Variants in THSD7A observed in about 807,000 individuals in gnomAD.
THSD7A encodes thrombospondin type 1 domain containing 7A, also known as thrombospondin type-1 domain-containing protein 7A.
Under a neutral mutation model 231.3 loss-of-function variants are expected in THSD7A, and 96 were observed. That is an observed-to-expected ratio of 0.41 (90% CI 0.35 to 0.49). The LOEUF (loss-of-function observed/expected upper bound fraction) is 0.49. THSD7A is among the 20% of genes least tolerant of loss of function. The probability of loss-of-function intolerance (pLI) is 0.05; values close to 1 mark genes in which losing one functional copy is unlikely to be tolerated. For missense variants in THSD7A, 2,290 were observed against 2,070.2 expected, an observed-to-expected ratio of 1.11 and a Z score of -2.06; for synonymous variants, 940 against 743.3, an observed-to-expected ratio of 1.26 and a Z score of -4.30.
chr7:11,690,559 G>A (rs754273905), intron 1 of THSD7A, among the ~76,000 whole-genome samples: 13 of 151,574 alleles, frequency 8.6e-5, no homozygotes, highest in South Asian at 2.1e-4. Flanking sequence ...AAGTTGTCTC[G>A]GTATTTTGGA....
chr7:11,424,766 T>G lies in THSD7A; in HGVS notation c.3313A>C (p.Ser1105Arg), dbSNP rs768198778. 2.5e-6 allele frequency: 4 copies of G among 1,613,982 alleles called. No homozygotes were observed. The Admixed American group carries it at 6.7e-5, about 27-fold the overall frequency. Residue 1105 changes from serine to arginine, a missense_variant, in exon 16 of 28, where the codon AGC (serine) becomes CGC (arginine). Physicochemically the swap from Ser to Arg is moderately radical, Grantham distance 110. Transcript: ENST00000423059. The stretch of plus-strand genomic sequence containing the variant: ...TTCACAAAGGTCACCTTGCAGATGC[T>G]CCAGGGCTCTGTGACCCATAGGTAC... ...NQYLWVTEPW[S>R]ICKVTFVNMR... is the part of the protein sequence containing the mutation.
chr7:11,579,579 G>A (rs1301931894), intron 4 of THSD7A, among the ~76,000 whole-genome samples: 3 of 152,142 alleles, frequency 2.0e-5, no homozygotes, highest in Non-Finnish European at 4.4e-5. Context: ...TGTATTAACT[G>A]CTATGTCTTC....
rs372974673 is a variant in THSD7A at position 11,513,457 on chromosome 7, C to A, written c.1822+27962G>T. 3.3e-5 allele frequency among the ~76,000 whole-genome samples: 5 copies of A among 152,080 alleles called. No homozygotes were observed. In the East Asian group the frequency reaches 9.7e-4, roughly 29 times the overall value. ...GTGAGGAACACAAAATATGATTCAA[C>A]CATAAAAAGGAATGAAGTACTGACT... On this transcript the variant is annotated intron_variant, in intron 6 of 27. Transcript: ENST00000423059.
intron 1 of THSD7A, among the ~76,000 whole-genome samples, chr7:11,827,170 G>A (rs1348658360): frequency 6.6e-6 from 1 of 151,884 alleles, no homozygotes; most frequent in Admixed American, 6.6e-5. Flanking sequence ...ATGCCCAACA[G>A]ACTTTTATAT....
intron 6 of THSD7A, among the ~76,000 whole-genome samples, chr7:11,500,011 A>T (rs1205639627): frequency 6.6e-6 from 1 of 152,174 alleles, no homozygotes; most frequent in African/African-American, 2.4e-5. Flanking sequence ...CATCCCCTAG[A>T]TACATAATCA....
chr7:11,633,955 A>T (rs1290569060), intron 2 of THSD7A, among the ~76,000 whole-genome samples: 1 of 152,146 alleles, frequency 6.6e-6, no homozygotes, highest in African/African-American at 2.4e-5. Context: ...TTTAAATTTG[A>T]TCACTAAGTT....
At chr7:11,801,484 A>G (rs1583302346) in intron 1 of THSD7A, among the ~76,000 whole-genome samples, 2 of 152,192 alleles carry the variant, frequency 1.3e-5, no homozygotes, top group Non-Finnish European at 1.5e-5. Flanking sequence ...ACAACGTTAG[A>G]AAGTGCCAGA....
intron 11 of THSD7A, among the ~76,000 whole-genome samples, chr7:11,450,389 G>A (rs968116793): frequency 6.6e-6 from 1 of 151,886 alleles, no homozygotes; most frequent in Non-Finnish European, 1.5e-5. Flanking sequence ...CTTATCTGAG[G>A]TTTTAGACAG....
chr7:11,403,336 CA>C (rs1168443864), intron 22 of THSD7A, among the ~76,000 whole-genome samples: 3 of 152,054 alleles, frequency 2.0e-5, no homozygotes, highest in Non-Finnish European at 2.9e-5. Context: ...TACGTAATAG[CA>C]AAATGGAGTG....
At chr7:11,804,201 T>C (rs1020736984) in intron 1 of THSD7A, among the ~76,000 whole-genome samples, 1 of 152,140 alleles carries the variant, frequency 6.6e-6, no homozygotes, top group Admixed American at 6.6e-5. Flanking sequence ...TTTATTCCAA[T>C]TGATAAAATG....
chr7:11,447,439 T>C lies in THSD7A; in HGVS notation c.2606-15A>G, dbSNP rs760038104. ...ACAAGTAATGGCTAAAAGAAAAGCA[T>C]AAAGCTGTTATAACAAATTCAAACG... On this transcript the variant is annotated splice_polypyrimidine_tract_variant and intron_variant, in intron 11 of 27. Coordinates refer to ENST00000423059, the MANE Select transcript of THSD7A (RefSeq NM_015204.3). 1 of 1,515,612 alleles carries C rather than the reference T, an allele frequency of 6.6e-7. No homozygotes were observed. The highest frequency in any genetic ancestry group is 8.8e-7 in the Non-Finnish European group (1 of 1,134,336). 93.9% of individuals were successfully genotyped at this position (1,515,612 alleles called of 1,614,324 possible).
At position 11,762,805 on chromosome 7, in the gene THSD7A, A is replaced by AC. The variant is rs775659858; in HGVS notation, c.190+68951_190+68952insG. 3.8e-3 allele frequency among the ~76,000 whole-genome samples: 571 copies of AC among 151,522 alleles called. 3 individuals carry two copies. Among genetic ancestry groups the AC allele is most frequent in the Non-Finnish European group, 5.5e-3 (372 of 68,006 alleles). ...AAAATATTCATGAAAAAAATTATAG[A>AC]TGACACAAACAAACGGAAAAACATT... On this transcript the variant is annotated intron_variant, in intron 1 of 27. Coordinates refer to ENST00000423059, the MANE Select transcript of THSD7A (RefSeq NM_015204.3).
chr7:11,751,373 G>C (rs1197893853), intron 1 of THSD7A: 1 of 152,048 alleles, frequency 6.6e-6, no homozygotes, highest in Non-Finnish European at 1.5e-5. Context: ...ACTAGAAAAA[G>C]TGTCTTCTTT....
chr7:11,773,938 G>C (rs1261768894), intron 1 of THSD7A, among the ~76,000 whole-genome samples: 2 of 152,070 alleles, frequency 1.3e-5, no homozygotes, highest in East Asian at 1.9e-4. Context: ...TACACACACA[G>C]ACACAGATAA....
intron 1 of THSD7A, among the ~76,000 whole-genome samples, chr7:11,797,660 C>T (rs561075049): frequency 1.1e-4 from 17 of 152,026 alleles, no homozygotes; most frequent in African/African-American, 4.1e-4. Flanking sequence ...CTTAAGCAAT[C>T]CTCCCACCTC....
intron 1 of THSD7A, among the ~76,000 whole-genome samples, chr7:11,666,614 T>A (rs1206418995): frequency 1.3e-5 from 2 of 151,954 alleles, no homozygotes; most frequent in Non-Finnish European, 2.9e-5. Context: ...TTTATCAGAA[T>A]AATAAATTAT....
At chr7:11,501,186 A>T (rs563534077) in intron 6 of THSD7A, among the ~76,000 whole-genome samples, 2 of 152,284 alleles carry the variant, frequency 1.3e-5, no homozygotes, top group Non-Finnish European at 2.9e-5. Context: ...ATAGTGGGAG[A>T]CTTCAACACT....
chr7:11,629,482 G>T (rs1020674566), intron 2 of THSD7A, among the ~76,000 whole-genome samples: 1 of 152,156 alleles, frequency 6.6e-6, no homozygotes, highest in Admixed American at 6.5e-5. Flanking sequence ...CTAAAAGCCT[G>T]CTATTTAGAA....
At chr7:11,485,639 A>G (rs1786625148) in intron 6 of THSD7A, among the ~76,000 whole-genome samples, 1 of 152,232 alleles carries the variant, frequency 6.6e-6, no homozygotes, top group East Asian at 1.9e-4. Context: ...GAGAATTGAA[A>G]TGAGTTTTCA....
Sources: allele counts gnomAD v4.1 joint callset (sites outside exome capture counted in the v4.1 genomes callset), GRCh38; gene constraint gnomAD v4.1.1; transcripts MANE v1.5; gene names NCBI Gene and HGNC (gene_info 2026-07-23, HGNC 2026-07-21).